Variants in DNAH11 observed in about 807,000 individuals in gnomAD.
DNAH11 encodes the protein axonemal beta dynein heavy chain 11.
A neutral mutation model predicts 526.0 loss-of-function variants in DNAH11; 442 were observed. The observed-to-expected ratio is 0.84, with a 90% CI of 0.78 to 0.91. The LOEUF (loss-of-function observed/expected upper bound fraction) is 0.91. DNAH11 is among the 40% of genes least tolerant of loss of function. The pLI, the probability that DNAH11 is intolerant of heterozygous loss-of-function variation, is 0.00. For missense variants in DNAH11, 6,989 were observed against 5,448.7 expected (o/e 1.28, Z -8.90); for synonymous variants, 2,461 against 1,935.9 (o/e 1.27, Z -7.12).
At chr7:21,666,486 G>A (rs983510443) in intron 30 of DNAH11, among the ~76,000 whole-genome samples, 1 of 151,972 alleles carries the variant, frequency 6.6e-6, no homozygotes, top group Non-Finnish European at 1.5e-5. Flanking sequence ...AGAGACTTTT[G>A]TTAAGAACTC....
intron 20 of DNAH11, among the ~76,000 whole-genome samples, chr7:21,612,090 A>C (rs1451421394): frequency 2.6e-5 from 4 of 152,216 alleles, no homozygotes; most frequent in Non-Finnish European, 4.4e-5. Context: ...AATATAGAGC[A>C]CTATTAATAA....
chr7:21,735,830 C>T lies in DNAH11; in HGVS notation c.7631C>T (p.Ser2544Phe), dbSNP rs567433822. 26 of 1,608,346 alleles carry T rather than the reference C, an allele frequency of 1.6e-5. 1 individual carries two copies. The highest frequency in any genetic ancestry group is 8.4e-5 in the Admixed American group (5 of 59,686). The change falls in exon 46 of 82, where the codon TCC becomes TTC. Residue 2544 changes from serine (S) to phenylalanine (F), a missense_variant. Coordinates refer to ENST00000409508, the MANE Select transcript of DNAH11 (RefSeq NM_001277115.2). ...GTGCCTTTCAACTACTACACGACAT[C>T]CACAGCTCTGCAAAGTAAGTGCACC... ...SRVPFNYYTT[S>F]TALQKILEKP...
At chr7:21,724,744 T>C (rs1785018252) in intron 44 of DNAH11, among the ~76,000 whole-genome samples, 1 of 150,288 alleles carries the variant, frequency 6.7e-6, no homozygotes, top group Non-Finnish European at 1.5e-5. Flanking sequence ...AATATAAGAG[T>C]CACTGGGCCA....
intron 14 of DNAH11, among the ~76,000 whole-genome samples, chr7:21,598,510 G>C (rs1470653351): frequency 6.6e-6 from 1 of 152,080 alleles, no homozygotes; most frequent in Non-Finnish European, 1.5e-5. Context: ...TGCAAGAAGG[G>C]AGCTTAGAAC....
intron 63 of DNAH11, among the ~76,000 whole-genome samples, chr7:21,812,528 C>T (rs1789574504): frequency 6.6e-6 from 1 of 151,746 alleles, no homozygotes; most frequent in Non-Finnish European, 1.5e-5. Flanking sequence ...TTTTTTAAAC[C>T]CAGCCAGGTG....
rs1273479313 is a variant in DNAH11, at chr7:21,627,028, A to C, written c.4500+6950A>C. On this transcript the variant is annotated intron_variant, in intron 25 of 81. Transcript: ENST00000409508. ...GCCCCTAAAGTGTGGGATTACAGGC[A>C]TAATCCACAGCGCCCGGCCTGTGTG... Among the ~76,000 whole-genome samples, 4 of 152,110 alleles carry C rather than the reference A, an allele frequency of 2.6e-5. 1 individual carries two copies. The East Asian group carries it at 7.7e-4, about 29-fold the overall frequency.
chr7:21,787,364 A>T, intron 59 of DNAH11, 37 bp from the exon 60 acceptor site: 1 of 1,570,184 alleles, frequency 6.4e-7, no homozygotes. Context: ...TCTGCAGCCA[A>T]AATGGGTTCA....
At position 21,884,287 on chromosome 7, in the gene DNAH11, A is replaced by C. The variant is rs758561213; in HGVS notation, c.12388-4A>C. 3.1e-6 allele frequency: 5 copies of C among 1,601,420 alleles called. 1 individual carries two copies. In the South Asian group the frequency reaches 5.7e-5, roughly 18 times the overall value. ...AGTGAATATTTGTGTGGTTTTCTCC[A>C]CAGGTCCCATGGGAAGATCTCCGTT... On this transcript the variant is annotated splice_region_variant and splice_polypyrimidine_tract_variant and intron_variant, in intron 75 of 81. Transcript: ENST00000409508.
intron 4 of DNAH11, 138 bp downstream of exon 4, chr7:21,559,930 T>C (rs1783388549): frequency 1.4e-6 from 1 of 706,460 alleles, no homozygotes; most frequent in African/African-American, 1.8e-5. Flanking sequence ...CAGAGTTCTG[T>C]GTGTGTGGTG....
chr7:21,738,812 A>G lies in DNAH11; in HGVS notation c.7757A>G (p.Tyr2586Cys), dbSNP rs1312669148. Residue 2586 changes from tyrosine (Y) to cysteine (C), a missense_variant, in exon 47 of 82, where the codon TAT (tyrosine) becomes TGT (cysteine). Coordinates refer to ENST00000409508, the MANE Select transcript of DNAH11 (RefSeq NM_001277115.2). ...ATGAACATGCCTGAAGTGGACTTAT[A>G]TGGCACCGTTCAGCCTCACACCCTG... ...DDMNMPEVDL[Y>C]GTVQPHTLIR... 3 of 1,605,492 alleles carry G rather than the reference A, an allele frequency of 1.9e-6. No individual in the cohort carries two copies. The highest frequency in any genetic ancestry group is 1.1e-5 in the South Asian group (1 of 88,886).
rs182405066 is a variant in DNAH11 at position 21,726,730 on chromosome 7, G to T, written c.7440+746G>T. On this transcript the variant is annotated intron_variant, in intron 45 of 81. Coordinates refer to ENST00000409508, the MANE Select transcript of DNAH11 (RefSeq NM_001277115.2). ...CAAAAAATTAGCCGGGTGTGGTGGCGGGCGCCTGTAGTCCCAGCTACTCGG... is the reference window on the plus strand; with the variant it reads ...CAAAAAATTAGCCGGGTGTGGTGGCTGGCGCCTGTAGTCCCAGCTACTCGG... Among the ~76,000 whole-genome samples the T allele has an allele frequency of 6.0e-3, 895 of 149,614 alleles. 7 individuals carry two copies. Among genetic ancestry groups the T allele is most frequent in the African/African-American group, 0.019 (789 of 40,848 alleles).
intron 68 of DNAH11, among the ~76,000 whole-genome samples, chr7:21,857,966 A>G (rs930127062): frequency 1.3e-5 from 2 of 152,146 alleles, no homozygotes; most frequent in African/African-American, 4.8e-5. Context: ...TTTTCAAAAG[A>G]TATGAAGATG....
At chr7:21,637,473 T>G in intron 26 of DNAH11, 138 bp from the exon 27 acceptor site, 1 of 644,590 alleles carries the variant, frequency 1.6e-6, no homozygotes, top group Non-Finnish European at 2.8e-6. Context: ...TAAACAGATG[T>G]GGTGTCAGAC....
chr7:21,886,090 C>T lies in DNAH11; in HGVS notation c.12507+1680C>T, dbSNP rs190058747. ...CATATCATGTCTATTTCCAGTTGGG[C>T]GAGACACCAACTCTGTTTAAAGCAA... is the stretch of plus-strand genomic sequence containing the variant. On this transcript the variant is annotated intron_variant, in intron 76 of 81. Transcript: ENST00000409508. Among the ~76,000 whole-genome samples the T allele has an allele frequency of 2.4e-4, 36 of 152,166 alleles. 1 individual carries two copies. In the East Asian group the frequency reaches 5.0e-3, roughly 21 times the overall value.
In DNAH11 at chr7:21,765,594, G is replaced by T. The variant is rs1343254013; in HGVS notation, c.9102+5G>T. 2.7e-6 allele frequency: 4 copies of T among 1,470,524 alleles called. No individual in the cohort carries two copies. The highest frequency in any genetic ancestry group is 3.7e-6 in the Non-Finnish European group (4 of 1,084,038). The allele number at this position is 1,470,524 out of a possible 1,614,324, so 91.1% of individuals were successfully genotyped here. ...GAGGAAACCAAGGGAATTGAGGTAT[G>T]CCGTGTCAGCCTGCGTCACACACAC... On this transcript the variant is annotated splice_donor_5th_base_variant and intron_variant, in intron 55 of 81. Coordinates refer to ENST00000409508, the MANE Select transcript of DNAH11 (RefSeq NM_001277115.2).
rs372447695 is a variant in DNAH11 at position 21,726,935 on chromosome 7, C to T, written c.7440+951C>T. ...CTGTTATATTTCTGCATCCTCTTTT[C>T]TTTTTTTTTTTTTTTTGAGATGGAG... On this transcript the variant is annotated intron_variant, in intron 45 of 81. Coordinates refer to ENST00000409508, the MANE Select transcript of DNAH11 (RefSeq NM_001277115.2). Among the ~76,000 whole-genome samples the T allele has an allele frequency of 3.8e-3, 121 of 31,956 alleles. 3 individuals carry two copies. The highest frequency in any genetic ancestry group is 0.062 in the Middle Eastern group (2 of 32). The allele number at this position is 31,956 out of a possible 152,430, so 21.0% of individuals were successfully genotyped here.
chr7:21,686,540 A>G (rs375020761), intron 32 of DNAH11, among the ~76,000 whole-genome samples: 4 of 152,346 alleles, frequency 2.6e-5, no homozygotes, highest in Admixed American at 6.5e-5. Flanking sequence ...ATGTAGCAAC[A>G]CATTCCAAAG....
chr7:21,878,883 T>G (rs952491738), intron 74 of DNAH11, among the ~76,000 whole-genome samples: 8 of 152,330 alleles, frequency 5.3e-5, no homozygotes, highest in African/African-American at 1.9e-4. Flanking sequence ...CCATTTCAAA[T>G]GTGAACTGGC....
intron 1 of DNAH11, 166 bp downstream of exon 1, chr7:21,543,762 C>A (rs999706182): frequency 8.9e-6 from 6 of 677,334 alleles, no homozygotes; most frequent in South Asian, 7.8e-5. Context: ...CCACGTGCAC[C>A]CACTCTGCAG....
Sources: allele counts gnomAD v4.1 joint callset (sites outside exome capture counted in the v4.1 genomes callset), GRCh38; gene constraint gnomAD v4.1.1; transcripts MANE v1.5; gene names NCBI Gene and HGNC (gene_info 2026-07-23, HGNC 2026-07-21).